Variants in NHEJ1 observed in about 807,000 individuals in gnomAD.
NHEJ1 encodes the protein non-homologous end joining factor 1.
NHEJ1 carries 22 observed loss-of-function variants against 39.4 expected under a neutral mutation model. The observed-to-expected ratio is 0.56, with a 90% CI of 0.40 to 0.80. NHEJ1 has a LOEUF of 0.80. NHEJ1 is among the 30% of genes least tolerant of loss of function. The pLI, the probability that NHEJ1 is intolerant of heterozygous loss-of-function variation, is 0.00. For synonymous variants in NHEJ1, 154 were observed against 135.6 expected (o/e 1.14, Z -0.94); for missense variants, 329 against 357.1 (o/e 0.92, Z 0.63).
At chr2:219,100,801 G>T (rs1354249393) in intron 5 of NHEJ1, among the ~76,000 whole-genome samples, 1 of 152,266 alleles carries the variant, frequency 6.6e-6, no homozygotes, top group Non-Finnish European at 1.5e-5. Flanking sequence ...AAGTAGCAAA[G>T]AACTCTATCA....
At chr2:219,141,481 G>A (rs143312475) in intron 5 of NHEJ1, among the ~76,000 whole-genome samples, 9 of 151,956 alleles carry the variant, frequency 5.9e-5, no homozygotes, top group East Asian at 1.9e-4. Flanking sequence ...TTCAAAAGAC[G>A]GTCAATAAAT....
intron 3 of NHEJ1, among the ~76,000 whole-genome samples, chr2:219,152,349 C>T (rs1284066770): frequency 6.6e-6 from 1 of 152,144 alleles, no homozygotes. Context: ...GTCTCAATCT[C>T]AAGATGAATC....
chr2:219,079,103 T>G (rs1949040288), intron 5 of NHEJ1, among the ~76,000 whole-genome samples: 1 of 152,240 alleles, frequency 6.6e-6, no homozygotes, highest in Admixed American at 6.5e-5. Flanking sequence ...AGTTGTAGTT[T>G]CATACACTTG....
chr2:219,157,972 TTC>T lies in NHEJ1; in HGVS notation c.177+212_177+213del, dbSNP rs1164655700. 1.9e-3 allele frequency among the ~76,000 whole-genome samples: 247 copies of T among 131,942 alleles called. 2 individuals are homozygous for T. The South Asian group carries it at 0.019, about 10-fold the overall frequency. 86.6% of individuals were successfully genotyped at this position (131,942 alleles called of 152,430 possible). A position where few individuals can be genotyped will look rare whatever the true frequency, so the allele number is the denominator to read the frequency against. On this transcript the variant is annotated intron_variant, in intron 2 of 7. Coordinates refer to ENST00000356853, the MANE Select transcript of NHEJ1 (RefSeq NM_024782.3). The stretch of plus-strand genomic sequence containing the variant: ...CATAGGGTAGGGAAACTAACTTTCT[TTC>T]TCTCTCTCTCTCTCTCTCACACACA...
chr2:219,131,260 T>C (rs1415208404), intron 5 of NHEJ1, among the ~76,000 whole-genome samples: 2 of 152,186 alleles, frequency 1.3e-5, no homozygotes, highest in East Asian at 3.8e-4. Context: ...CTCTATACAT[T>C]GCGGGGGTCA....
At chr2:219,137,964 C>T (rs975690206) in intron 5 of NHEJ1, among the ~76,000 whole-genome samples, 3 of 152,136 alleles carry the variant, frequency 2.0e-5, no homozygotes, top group Admixed American at 2.0e-4. Flanking sequence ...TGACCGAATA[C>T]CGAAAGGATG....
At chr2:219,132,715 T>C (rs141303843) in intron 5 of NHEJ1, among the ~76,000 whole-genome samples, 2 of 152,298 alleles carry the variant, frequency 1.3e-5, no homozygotes, top group African/African-American at 4.8e-5. Context: ...AATATTCCTC[T>C]GAACTCTTAC....
intron 5 of NHEJ1, among the ~76,000 whole-genome samples, chr2:219,091,806 G>GTGTATATATGA (rs1949162409): frequency 7.8e-5 from 1 of 12,796 alleles, no homozygotes; most frequent in African/African-American, 2.7e-4. Context: ...ACAAGGGTAT[G>GTGTATATATGA]TGTATATATG....
chr2:219,157,991 T>TCTCACA (rs1179798749), intron 2 of NHEJ1, among the ~76,000 whole-genome samples, 195 bp downstream of exon 2: 25 of 99,270 alleles, frequency 2.5e-4, no homozygotes, highest in African/African-American at 8.1e-4. Flanking sequence ...TCTCTCTCTC[T>TCTCACA]CACACACACA....
chr2:219,109,512 A>G (rs1326565514), intron 5 of NHEJ1, among the ~76,000 whole-genome samples: 1 of 152,204 alleles, frequency 6.6e-6, no homozygotes. Context: ...GGGGACCCAG[A>G]GCCACAGCCT....
intron 5 of NHEJ1, among the ~76,000 whole-genome samples, chr2:219,120,152 A>T (rs1250257626): frequency 6.6e-6 from 1 of 152,200 alleles, no homozygotes; most frequent in African/African-American, 2.4e-5. Flanking sequence ...CTCTGGGCAA[A>T]CATTCTAATA....
At chr2:219,105,189 T>C (rs1949302309) in intron 5 of NHEJ1, among the ~76,000 whole-genome samples, 2 of 152,166 alleles carry the variant, frequency 1.3e-5, no homozygotes, top group African/African-American at 4.8e-5. Context: ...ATAACACACC[T>C]CATAATCTTC....
Position 219,070,678 on chromosome 2 carries a change from CTTTCT to C in NHEJ1, c.*5698_*5702del, listed in dbSNP as rs1288527176. Among the ~76,000 whole-genome samples the C allele has an allele frequency of 3.3e-5, 5 of 151,344 alleles. No individual in the cohort carries two copies. Among genetic ancestry groups the C allele is most frequent in the African/African-American group, 1.2e-4 (5 of 41,000 alleles). On this transcript the variant is annotated 3_prime_UTR_variant, in exon 8 of 8. Transcript: ENST00000356853. The stretch of plus-strand genomic sequence containing the variant: ...GCACAATCCAGACACTCAATCTTTT[CTTTCT>C]TTTTTTTTTTTAATTCAAAATACCA...
At chr2:219,158,069 T>TACAGGACATTA in intron 2 of NHEJ1, 117 bp downstream of exon 2, 1 of 858,448 alleles carries the variant, frequency 1.2e-6, no homozygotes, top group Non-Finnish European at 1.9e-6. Context: ...CAGGTAGAAG[T>TACAGGACATTA]ACAGGACATT....
At chr2:219,085,003 C>T (rs1169793176) in intron 5 of NHEJ1, among the ~76,000 whole-genome samples, 1 of 152,220 alleles carries the variant, frequency 6.6e-6, no homozygotes, top group Non-Finnish European at 1.5e-5. Flanking sequence ...ACCACCATTT[C>T]CTGCTTCCTA....
chr2:219,155,386 G>C (rs1000215900), intron 3 of NHEJ1, among the ~76,000 whole-genome samples: 1 of 151,774 alleles, frequency 6.6e-6, no homozygotes, highest in African/African-American at 2.4e-5. Context: ...TCAACACAGA[G>C]AGACCCCCCA....
intron 5 of NHEJ1, 68 bp from the exon 6 acceptor site, chr2:219,078,274 A>G (rs920355198): frequency 7.6e-7 from 1 of 1,313,024 alleles, no homozygotes; most frequent in Admixed American, 1.7e-5. Context: ...AATACCCCAC[A>G]TGCAGAACCG....
intron 5 of NHEJ1, among the ~76,000 whole-genome samples, chr2:219,103,321 G>A (rs951357448): frequency 6.6e-6 from 1 of 150,982 alleles, no homozygotes; most frequent in Non-Finnish European, 1.5e-5. Context: ...TGTCGCCCAG[G>A]CTGGAATGCA....
chr2:219,108,466 C>A (rs540994954), intron 5 of NHEJ1, among the ~76,000 whole-genome samples: 3 of 152,308 alleles, frequency 2.0e-5, no homozygotes, highest in African/African-American at 7.2e-5. Flanking sequence ...CATGTGTTTG[C>A]CTTTTCCTAG....
Sources: allele counts gnomAD v4.1 joint callset (sites outside exome capture counted in the v4.1 genomes callset), GRCh38; gene constraint gnomAD v4.1.1; transcripts MANE v1.5; gene names NCBI Gene and HGNC (gene_info 2026-07-23, HGNC 2026-07-21).